The following EHBP1 variants were observed in gnomAD, a reference collection of about 807,000 sequenced individuals.
EHBP1 encodes EH domain binding protein 1, also known as EH domain-binding protein 1.
Under a neutral mutation model 144.0 loss-of-function variants are expected in EHBP1, and 55 were observed. The observed-to-expected ratio is 0.38, with a 90% confidence interval of 0.31 to 0.48. The LOEUF (loss-of-function observed/expected upper bound fraction) is 0.48. Among genes scored for constraint, EHBP1 ranks in the 20% least tolerant of loss-of-function variants. The pLI is 0.98. For synonymous variants in EHBP1, 469 were observed against 472.7 expected (o/e 0.99, Z 0.10); for missense variants, 1,200 against 1,364.2 (o/e 0.88, Z 1.90).
chr2:62,966,379 G>T (rs1327696746), intron 14 of EHBP1, among the ~76,000 whole-genome samples: 5 of 152,148 alleles, frequency 3.3e-5, no homozygotes, highest in Admixed American at 6.6e-5. Context: ...CAAGGCTGTT[G>T]ATTAGACAGC....
At chr2:62,878,124 A>G (rs899091482) in intron 10 of EHBP1, among the ~76,000 whole-genome samples, 1 of 152,224 alleles carries the variant, frequency 6.6e-6, no homozygotes, top group Non-Finnish European at 1.5e-5. Context: ...AATAAATACC[A>G]GAAATGACAA....
Position 62,863,838 on chromosome 2 carries a change from T to G in EHBP1, c.758-893T>G, listed in dbSNP as rs1407693089. ...TTTTTTTAAATTTTATTTTTCTGTG[T>G]TGTTTTTTTTTTTTTTTTTTTTTTT... On this transcript the variant is annotated intron_variant, in intron 8 of 22. Coordinates refer to ENST00000431489, the MANE Select transcript of EHBP1 (RefSeq NM_001142616.3). Among the ~76,000 whole-genome samples, 3 of 82,274 alleles carry G rather than the reference T, an allele frequency of 3.6e-5. No individual in the cohort carries two copies. The Admixed American group carries it at 4.3e-4, about 12-fold the overall frequency. The allele number at this position is 82,274 out of a possible 152,430, so 54.0% of individuals were successfully genotyped here.
At chr2:62,822,967 G>T in intron 5 of EHBP1, among the ~76,000 whole-genome samples, 1 of 152,084 alleles carries the variant, frequency 6.6e-6, no homozygotes, top group East Asian at 1.9e-4. Context: ...AAATAATTTT[G>T]TGTAAGAACT....
chr2:62,697,061 G>C (rs2034125556), intron 1 of EHBP1, among the ~76,000 whole-genome samples: 1 of 152,128 alleles, frequency 6.6e-6, no homozygotes, highest in Admixed American at 6.5e-5. Flanking sequence ...TTACACTCTT[G>C]AAAGTTGCAT....
chr2:62,706,428 C>A (rs1341363993), intron 1 of EHBP1: 1 of 152,308 alleles, frequency 6.6e-6, no homozygotes, highest in Non-Finnish European at 1.5e-5. Context: ...CTCCCTCCGA[C>A]TGAAAAATAG....
chr2:62,700,772 C>T (rs1035334656), upstream of EHBP1, among the ~76,000 whole-genome samples: 2 of 152,092 alleles, frequency 1.3e-5, no homozygotes, highest in Non-Finnish European at 2.9e-5. Context: ...TTTTGCATGT[C>T]CAGTAGTTCC....
chr2:62,853,608 G>A (rs987743684), intron 7 of EHBP1, among the ~76,000 whole-genome samples: 3 of 152,206 alleles, frequency 2.0e-5, no homozygotes, highest in East Asian at 1.9e-4. Context: ...ATTCTTAATC[G>A]TATCTAGAAC....
chr2:62,895,973 G>A (rs373034994), intron 10 of EHBP1, among the ~76,000 whole-genome samples: 1 of 152,104 alleles, frequency 6.6e-6, no homozygotes, highest in African/African-American at 2.4e-5. Flanking sequence ...TTAATGTTAG[G>A]TGTTTTCTAC....
At chr2:62,851,682 T>C (rs2152760829) in intron 7 of EHBP1, among the ~76,000 whole-genome samples, 1 of 152,350 alleles carries the variant, frequency 6.6e-6, no homozygotes, top group African/African-American at 2.4e-5. Flanking sequence ...ACATTGCTTT[T>C]TTATGATTTG....
At chr2:62,750,289 G>T (rs1322382883) in intron 3 of EHBP1, among the ~76,000 whole-genome samples, 6 of 152,132 alleles carry the variant, frequency 3.9e-5, no homozygotes, top group African/African-American at 1.4e-4. Context: ...AGATCTTATG[G>T]TTGTAGATGT....
chr2:62,942,815 T>G lies in EHBP1; in HGVS notation c.1283T>G (p.Val428Gly). 6.2e-7 allele frequency: 1 copy of G among 1,613,842 alleles called. No individual in the cohort carries two copies. ...GAAGTTACAAAGAACTACCGAGGAGTAAAAATCACCAATTTTACTACATCG... is the reference window on the plus strand; with the variant it reads ...GAAGTTACAAAGAACTACCGAGGAGGAAAAATCACCAATTTTACTACATCG... ...CKEVTKNYRG[V>G]KITNFTTSWR... The change falls in exon 11 of 23, where the codon GTA (valine) becomes GGA (glycine). Residue 428 changes from valine to glycine, a missense_variant. This residue lies in a region of EHBP1 where 94 missense variants were observed against 143.0 expected (regional missense o/e 0.66). Transcript: ENST00000431489.
At chr2:62,683,658 C>CAAAAAAAA (rs397936534) in intron 1 of EHBP1, among the ~76,000 whole-genome samples, 2 of 50,134 alleles carry the variant, frequency 4.0e-5, no homozygotes, top group Non-Finnish European at 7.0e-5. Flanking sequence ...GACTCCATCT[C>CAAAAAAAA]AAAAAAAAAA....
chr2:62,756,803 G>C (rs1200717256), intron 3 of EHBP1, among the ~76,000 whole-genome samples: 1 of 147,184 alleles, frequency 6.8e-6, no homozygotes, highest in East Asian at 2.0e-4. Flanking sequence ...AGAAAATGCT[G>C]TTTTATAAAT....
intron 14 of EHBP1, among the ~76,000 whole-genome samples, chr2:62,956,425 G>A (rs1180262036): frequency 6.6e-6 from 1 of 152,138 alleles, no homozygotes; most frequent in Admixed American, 6.5e-5. Flanking sequence ...CTACATGCCA[G>A]GTTGGTCACC....
chr2:62,713,678 C>CT (rs1438750709), intron 2 of EHBP1, among the ~76,000 whole-genome samples: 1 of 152,172 alleles, frequency 6.6e-6, no homozygotes, highest in African/African-American at 2.4e-5. Context: ...GTTTGCAGTA[C>CT]TTTCTATGTT....
intron 5 of EHBP1, among the ~76,000 whole-genome samples, chr2:62,811,324 T>C (rs929814463): frequency 6.6e-6 from 1 of 152,244 alleles, no homozygotes; most frequent in South Asian, 2.1e-4. Flanking sequence ...TTAAATTTTA[T>C]AGTATTCCAT....
At chr2:62,692,221 T>A (rs1471451057) in intron 1 of EHBP1, among the ~76,000 whole-genome samples, 2 of 152,218 alleles carry the variant, frequency 1.3e-5, no homozygotes, top group Middle Eastern at 3.2e-3. Context: ...CATTCATTTT[T>A]ATTGCTGAAA....
At chr2:62,779,831 T>C (rs1165135395) in intron 5 of EHBP1, among the ~76,000 whole-genome samples, 2 of 152,220 alleles carry the variant, frequency 1.3e-5, no homozygotes, top group East Asian at 1.9e-4. Context: ...TTTTCAAATA[T>C]GCACAAAAAT....
chr2:62,834,625 T>A (rs1267543292), intron 7 of EHBP1, among the ~76,000 whole-genome samples: 3 of 152,268 alleles, frequency 2.0e-5, no homozygotes, highest in South Asian at 2.1e-4. Flanking sequence ...AAAGTTTTTG[T>A]GACTTACTTT....
Sources: allele counts gnomAD v4.1 joint callset (sites outside exome capture counted in the v4.1 genomes callset), GRCh38; gene constraint gnomAD v4.1.1; regional missense constraint gnomAD v4.1.1; transcripts MANE v1.5; gene names NCBI Gene and HGNC (gene_info 2026-07-23, HGNC 2026-07-21).